The following RASA3 variants were observed in gnomAD, a reference collection of about 807,000 sequenced individuals.
RASA3 encodes ras GTPase-activating protein 3.
A neutral mutation model predicts 110.0 loss-of-function variants in RASA3; 73 were observed. That is an observed-to-expected ratio of 0.66 (90% CI 0.55 to 0.81). The LOEUF (loss-of-function observed/expected upper bound fraction) is 0.81. Among genes scored for constraint, RASA3 ranks in the 30% least tolerant of loss-of-function variants. RASA3 has a pLI of 0.00. For synonymous variants in RASA3, 500 were observed against 451.4 expected (o/e 1.11, Z -1.37); for missense variants, 976 against 1,113.2 (o/e 0.88, Z 1.75).
Position 114,018,868 on chromosome 13 carries a change from G to T in RASA3, c.837C>A (p.Asp279Glu), listed in dbSNP as rs531400661. The T allele has an allele frequency of 2.5e-6, 4 of 1,613,962 alleles. No individual in the cohort carries two copies. The East Asian group carries it at 8.9e-5, about 36-fold the overall frequency. Reference sequence around the variant, plus strand: ...CCACGTTCAGCCGCAGGGAGCCCAGGTCGTCTGGCTTTAGGCTCTTGCTAC... The same window carrying T: ...CCACGTTCAGCCGCAGGGAGCCCAGTTCGTCTGGCTTTAGGCTCTTGCTAC... Reference protein sequence around the residue: ...DNGSKSLKPDDLGSLRLNVVY... With the variant: ...DNGSKSLKPDELGSLRLNVVY... The change falls in exon 10 of 24, where the codon GAC (aspartate) becomes GAA (glutamate). Residue 279 changes from aspartate (D) to glutamate (E), a missense_variant. By Grantham distance (45) the Asp-to-Glu change is conservative (BLOSUM62 2). This residue lies in a region of RASA3 where 732 missense variants were observed against 779.7 expected (regional missense o/e 0.94). Transcript: ENST00000334062.
chr13:114,004,364 T>A (rs1208054282), intron 18 of RASA3, among the ~76,000 whole-genome samples: 1 of 140,882 alleles, frequency 7.1e-6, no homozygotes, highest in Admixed American at 7.0e-5. Context: ...CTCAAACAAC[T>A]TAACAAAAAA....
Position 113,979,363 on chromosome 13 carries a change from G to A in RASA3, c.2489C>T (p.Ser830Phe). The A allele has an allele frequency of 1.9e-6, 3 of 1,599,746 alleles. No individual in the cohort carries two copies. Among genetic ancestry groups the A allele is most frequent in the South Asian group, 1.1e-5 (1 of 90,386 alleles). Residue 830 changes from serine to phenylalanine, a missense_variant, in exon 24 of 24, where the codon TCC (serine) becomes TTC (phenylalanine). This residue lies in a region of RASA3 where 132 missense variants were observed against 152.8 expected (regional missense o/e 0.86). Transcript: ENST00000334062. Reference sequence around the variant, plus strand: ...CCGCAGACTTTAAATGGAATGAGTGGAGGTCTCGGACTGCTGCCGGATGTA... The same window carrying A: ...CCGCAGACTTTAAATGGAATGAGTGAAGGTCTCGGACTGCTGCCGGATGTA... ...QNYIRQQSET[S>F]THSI
chr13:114,016,333 G>T, intron 12 of RASA3, 62 bp from the exon 13 acceptor site: 1 of 1,268,234 alleles, frequency 7.9e-7, no homozygotes. Flanking sequence ...CAGGGAGGGT[G>T]GAAGGGGTCT....
intron 21 of RASA3, among the ~76,000 whole-genome samples, chr13:113,995,750 G>A (rs185831802): frequency 0.15 from 2,955 of 19,586 alleles, 787 homozygotes; most frequent in African/African-American, 0.35. Context: ...ACGGGGGCCC[G>A]GCTGACGGGG....
intron 1 of RASA3, among the ~76,000 whole-genome samples, chr13:114,091,702 T>C (rs2079891232): frequency 6.6e-6 from 1 of 151,962 alleles, no homozygotes; most frequent in African/African-American, 2.4e-5. Flanking sequence ...CTGGTTTGGG[T>C]ATCAGGTAAC....
chr13:114,064,664 G>A (rs1358420373), intron 2 of RASA3, among the ~76,000 whole-genome samples: 4 of 152,316 alleles, frequency 2.6e-5, no homozygotes, highest in African/African-American at 7.2e-5. Flanking sequence ...GGCCTGTGCC[G>A]GACAATCTCT....
intron 3 of RASA3, among the ~76,000 whole-genome samples, chr13:114,045,155 C>T (rs924722756): frequency 5.9e-5 from 9 of 152,332 alleles, no homozygotes; most frequent in African/African-American, 2.2e-4. Flanking sequence ...CATGCGTGTT[C>T]GTATCTCCAG....
chr13:114,088,297 C>T (rs1340790199), intron 1 of RASA3, among the ~76,000 whole-genome samples: 1 of 152,194 alleles, frequency 6.6e-6, no homozygotes, highest in South Asian at 2.1e-4. Context: ...TATTTTCTAA[C>T]ACCTCAGCTG....
chr13:114,009,521 A>G, intron 16 of RASA3, 57 bp from the exon 17 acceptor site: 1 of 1,160,212 alleles, frequency 8.6e-7, no homozygotes, highest in East Asian at 2.3e-5. Context: ...CTCACGGCCC[A>G]AATCTGAAAA....
In RASA3 at chr13:113,977,902, C is replaced by T. The variant is rs2052810469; in HGVS notation, c.*1445G>A. 2.0e-5 allele frequency: 3 copies of T among 152,352 alleles called. No individual in the cohort carries two copies. Among genetic ancestry groups the T allele is most frequent in the Admixed American group, 6.5e-5 (1 of 15,284 alleles). The allele number at this position is 152,352 out of a possible 1,614,324, so 9.4% of individuals were successfully genotyped here. ...GTTAAAAATTGCAGCTCAGTGCAGC[C>T]CCAACAGCTGTGTGTCCAAAAGTCT... On this transcript the variant is annotated 3_prime_UTR_variant, in exon 24 of 24. Coordinates refer to ENST00000334062, the MANE Select transcript of RASA3 (RefSeq NM_007368.4).
intron 2 of RASA3, among the ~76,000 whole-genome samples, chr13:114,059,776 G>A (rs551545939): frequency 2.6e-4 from 39 of 152,344 alleles, no homozygotes; most frequent in African/African-American, 8.7e-4. Flanking sequence ...TTTGGCCCCC[G>A]CCAGGCGTGG....
At chr13:114,074,330 G>A (rs535065807) in intron 1 of RASA3, among the ~76,000 whole-genome samples, 36 of 152,080 alleles carry the variant, frequency 2.4e-4, no homozygotes, top group Non-Finnish European at 2.8e-4. Flanking sequence ...TTCTGTCTCT[G>A]TGGATCTGAC....
chr13:113,995,615 C>G (rs1299541461), intron 21 of RASA3, among the ~76,000 whole-genome samples: 1 of 140,998 alleles, frequency 7.1e-6, no homozygotes, highest in Non-Finnish European at 1.5e-5. Context: ...GGGGGCCCTG[C>G]TGATGGGGGG....
At chr13:114,037,933 A>G (rs1398372633) in intron 4 of RASA3, among the ~76,000 whole-genome samples, 1 of 151,520 alleles carries the variant, frequency 6.6e-6, no homozygotes, top group Non-Finnish European at 1.5e-5. Context: ...GGGAGAAGGG[A>G]GCACGGCCTT....
Position 113,977,827 on chromosome 13 carries a change from T to A in RASA3, c.*1520A>T, listed in dbSNP as rs1249363755. 7.2e-5 allele frequency: 11 copies of A among 152,370 alleles called. No homozygotes were observed. Among genetic ancestry groups the A allele is most frequent in the African/African-American group, 2.4e-4 (10 of 41,432 alleles). The allele number at this position is 152,370 out of a possible 1,614,324, so 9.4% of individuals were successfully genotyped here. Reference sequence around the variant, plus strand: ...TGTTTTAATTGGCCAGTAAAATACATTGCAAATCATTAGTATTTTATAAAC... The same window carrying A: ...TGTTTTAATTGGCCAGTAAAATACAATGCAAATCATTAGTATTTTATAAAC... On this transcript the variant is annotated 3_prime_UTR_variant, in exon 24 of 24. Coordinates refer to ENST00000334062, the MANE Select transcript of RASA3 (RefSeq NM_007368.4).
At chr13:114,128,740 G>A (rs1453898741) in intron 1 of RASA3, among the ~76,000 whole-genome samples, 3 of 152,236 alleles carry the variant, frequency 2.0e-5, no homozygotes, top group Admixed American at 6.5e-5. Context: ...AGAGCCCAGC[G>A]GAGCCACAGG....
chr13:114,121,971 G>A (rs1204417181), intron 1 of RASA3, among the ~76,000 whole-genome samples: 1 of 152,238 alleles, frequency 6.6e-6, no homozygotes, highest in Admixed American at 6.5e-5. Context: ...GGGGCACACA[G>A]GGCCCAGAGG....
intron 1 of RASA3, among the ~76,000 whole-genome samples, chr13:114,108,301 T>C (rs914156197): frequency 7.8e-5 from 6 of 76,760 alleles, no homozygotes; most frequent in African/African-American, 1.4e-4. Context: ...TCACCCCATG[T>C]CTGTCACCCT....
chr13:114,036,449 C>T (rs1468017729), intron 4 of RASA3, among the ~76,000 whole-genome samples: 1 of 152,232 alleles, frequency 6.6e-6, no homozygotes, highest in African/African-American at 2.4e-5. Flanking sequence ...AGCCACATGG[C>T]TACCCCCTGC....
Sources: allele counts gnomAD v4.1 joint callset (sites outside exome capture counted in the v4.1 genomes callset), GRCh38; gene constraint gnomAD v4.1.1; regional missense constraint gnomAD v4.1.1; transcripts MANE v1.5; gene names NCBI Gene and HGNC (gene_info 2026-07-23, HGNC 2026-07-21).